Variants in ARHGEF16 observed in about 807,000 individuals in gnomAD.
The protein encoded by ARHGEF16 is Rho guanine nucleotide exchange factor 16.
In ARHGEF16, 59 loss-of-function variants were observed where a neutral mutation model predicts 74.1. The observed-to-expected ratio is 0.80, with a 90% confidence interval of 0.65 to 0.99. The LOEUF is 0.99. Among genes scored for constraint, ARHGEF16 ranks in the 50% least tolerant of loss-of-function variants. The pLI is 0.00. For synonymous variants in ARHGEF16, 415 were observed against 412.6 expected, an observed-to-expected ratio of 1.01 and a Z score of -0.07; for missense variants, 948 against 986.6, an observed-to-expected ratio of 0.96 and a Z score of 0.52.
intron 1 of ARHGEF16, among the ~76,000 whole-genome samples, chr1:3,462,451 C>G (rs1323298031): frequency 6.6e-6 from 1 of 152,220 alleles, no homozygotes; most frequent in Non-Finnish European, 1.5e-5. Context: ...GCAAATGCAC[C>G]TGCCCTCCCC....
At chr1:3,478,080 C>A in intron 11 of ARHGEF16, 54 bp downstream of exon 11, 1 of 1,609,046 alleles carries the variant, frequency 6.2e-7, no homozygotes. Context: ...CACTGGACCG[C>A]TGGCCCTGGG....
chr1:3,468,431 G>GT (rs1557691408), intron 4 of ARHGEF16: 1 of 191,636 alleles, frequency 5.2e-6, no homozygotes, highest in Non-Finnish European at 1.1e-5. Flanking sequence ...CGAGGAGGAG[G>GT]GAGCCCGGGC....
At chr1:3,458,510 C>G (rs557566010) in intron 1 of ARHGEF16, among the ~76,000 whole-genome samples, 18 of 152,226 alleles carry the variant, frequency 1.2e-4, no homozygotes, top group African/African-American at 4.1e-4. Context: ...AGAAACCAGC[C>G]GGCCTGCAGG....
chr1:3,457,535 G>A (rs1231979506), intron 1 of ARHGEF16, among the ~76,000 whole-genome samples: 4 of 152,236 alleles, frequency 2.6e-5, no homozygotes, highest in Admixed American at 6.5e-5. Context: ...CGGGGCTGGC[G>A]CCCACTAGAC....
intron 8 of ARHGEF16, 51 bp from the exon 9 acceptor site, chr1:3,474,657 C>G (rs138263309): frequency 1.3e-6 from 2 of 1,565,596 alleles, no homozygotes; most frequent in Non-Finnish European, 1.8e-6. Context: ...GGAGCCTCCA[C>G]ACCTGGGATG....
intron 12 of ARHGEF16, 79 bp from the exon 13 acceptor site, chr1:3,479,438 G>A (rs527388010): frequency 2.0e-6 from 3 of 1,516,424 alleles, no homozygotes; most frequent in African/African-American, 1.4e-5. Context: ...GGCCCCCATG[G>A]GTGGCTGTCA....
At chr1:3,474,131 C>T (rs183230841) in intron 8 of ARHGEF16, 3 of 192,274 alleles carry the variant, frequency 1.6e-5, no homozygotes, top group East Asian at 2.6e-4. Flanking sequence ...CACTGCATTG[C>T]ACCGATGCAT....
chr1:3,461,315 G>C (rs1639387316), intron 1 of ARHGEF16, among the ~76,000 whole-genome samples: 1 of 152,264 alleles, frequency 6.6e-6, no homozygotes, highest in South Asian at 2.1e-4. Flanking sequence ...CGGCGCAGAC[G>C]CAGGCCTCAC....
At chr1:3,461,093 G>C (rs887237318) in intron 1 of ARHGEF16, among the ~76,000 whole-genome samples, 3 of 152,196 alleles carry the variant, frequency 2.0e-5, no homozygotes, top group Non-Finnish European at 4.4e-5. Flanking sequence ...GTTTCCACCC[G>C]CAAGAGACTC....
Position 3,479,451 on chromosome 1 carries a change from A to G in ARHGEF16, c.1815-66A>G, listed in dbSNP as rs547617874. 1.6e-5 allele frequency: 25 copies of G among 1,568,658 alleles called. No individual in the cohort carries two copies. In the Middle Eastern group the frequency reaches 8.4e-4, roughly 53 times the overall value. Reference sequence around the variant, plus strand: ...ACGGCCCCCATGGGTGGCTGTCAGAAGTCAAGGAACATCAGACGGGCAGGA... The same window carrying G: ...ACGGCCCCCATGGGTGGCTGTCAGAGGTCAAGGAACATCAGACGGGCAGGA... On this transcript the variant is annotated intron_variant, in intron 12 of 14. Coordinates refer to ENST00000378378, the MANE Select transcript of ARHGEF16 (RefSeq NM_014448.4).
Position 3,467,182 on chromosome 1 carries a change from C to G in ARHGEF16, c.649C>G (p.Gln217Glu), listed in dbSNP as rs1239031767. 20 of 1,550,504 alleles carry G rather than the reference C, an allele frequency of 1.3e-5. No homozygotes were observed. The highest frequency in any genetic ancestry group is 1.7e-5 in the Non-Finnish European group (20 of 1,146,742). The stretch of plus-strand genomic sequence containing the variant: ...TCTCTCTCTAGACCCCCAGCTCTAC[C>G]AGGAGATCCAGGAGCGGGGCCTGAA... ...GSFKDDPQLY[Q>E]EIQERGLNTS... Residue 217 changes from glutamine (Q) to glutamate (E), a missense_variant, in exon 4 of 15, where the codon CAG (glutamine) becomes GAG (glutamate). Gln to Glu is a conservative substitution (Grantham distance 29). Transcript: ENST00000378378.
chr1:3,456,373 C>T (rs945900541), intron 1 of ARHGEF16, among the ~76,000 whole-genome samples: 9 of 152,218 alleles, frequency 5.9e-5, no homozygotes, highest in African/African-American at 2.2e-4. Context: ...GAGTTTGGGT[C>T]TGAGTTTTAG....
intron 10 of ARHGEF16, 89 bp from the exon 11 acceptor site, chr1:3,477,786 G>C: frequency 7.8e-7 from 1 of 1,283,558 alleles, no homozygotes; most frequent in Non-Finnish European, 1.1e-6. Flanking sequence ...GGTGCTATGC[G>C]TCCTTGACCC....
chr1:3,455,417 G>C (rs55858614), intron 1 of ARHGEF16, among the ~76,000 whole-genome samples: 5,681 of 152,234 alleles, frequency 0.037, 154 homozygotes, highest in African/African-American at 0.073. Flanking sequence ...TCTCCCCTGA[G>C]AAGGGAGATG....
At position 3,465,686 on chromosome 1, in the gene ARHGEF16, C is replaced by T. The variant is rs1639523062; in HGVS notation, c.589-462C>T. ...CGGGCACCTGAGCGTGGGGGCTTCC[C>T]AGGAGCCCAGCCCTCCCGTCACTTC... On this transcript the variant is annotated intron_variant, in intron 2 of 14. Transcript: ENST00000378378. 3.3e-5 allele frequency among the ~76,000 whole-genome samples: 5 copies of T among 152,346 alleles called. No individual in the cohort carries two copies. The South Asian group carries it at 1.0e-3, about 32-fold the overall frequency.
At chr1:3,473,863 A>T in intron 8 of ARHGEF16, 1 of 387,302 alleles carries the variant, frequency 2.6e-6, no homozygotes, top group African/African-American at 2.1e-5. Context: ...CAGTCCTCCT[A>T]GACGTGGTAG....
intron 6 of ARHGEF16, among the ~76,000 whole-genome samples, chr1:3,470,675 G>A (rs1639687158): frequency 6.7e-6 from 1 of 149,682 alleles, no homozygotes; most frequent in South Asian, 2.1e-4. Flanking sequence ...ATGTGAGTAG[G>A]TGTGTGTGCG....
intron 1 of ARHGEF16, among the ~76,000 whole-genome samples, chr1:3,459,442 C>T (rs1183609420): frequency 6.6e-6 from 1 of 152,204 alleles, no homozygotes; most frequent in Admixed American, 6.5e-5. Flanking sequence ...AGAAACAAGA[C>T]ATTTTCAGGC....
chr1:3,456,153 T>C (rs879891879), intron 1 of ARHGEF16, among the ~76,000 whole-genome samples: 4 of 152,054 alleles, frequency 2.6e-5, no homozygotes, highest in Admixed American at 2.0e-4. Flanking sequence ...CTCCCTGAGG[T>C]CGCTGGCTCT....
Sources: gnomAD v4.1 joint callset for allele counts (sites outside exome capture counted in the v4.1 genomes callset) on GRCh38, gnomAD v4.1.1 for gene constraint, MANE v1.5 for transcripts, NCBI Gene and HGNC (gene_info 2026-07-23, HGNC 2026-07-21) for gene names.